NEDD4: variants seen among roughly 807,000 people sequenced by gnomAD.
NEDD4 encodes NEDD4 E3 ubiquitin protein ligase.
In NEDD4, 99 loss-of-function variants were observed where a neutral mutation model predicts 144.9. The ratio of observed to expected loss-of-function variants is 0.68; its 90% confidence interval spans 0.58 to 0.81. NEDD4 has a LOEUF of 0.81. Among genes scored for constraint, NEDD4 ranks in the 30% least tolerant of loss-of-function variants. NEDD4 has a pLI of 0.00. For missense variants in NEDD4, 985 were observed against 1,065.9 expected (o/e 0.92, Z 1.06); for synonymous variants, 318 against 350.6 (o/e 0.91, Z 1.04).
At chr15:55,969,067 C>A (rs2037564951) in intron 1 of NEDD4, among the ~76,000 whole-genome samples, 1 of 152,206 alleles carries the variant, frequency 6.6e-6, no homozygotes. Context: ...GCCCACACCA[C>A]CCCTCCCACA....
At chr15:55,866,982 G>A (rs2034607743) in intron 8 of NEDD4, among the ~76,000 whole-genome samples, 1 of 152,178 alleles carries the variant, frequency 6.6e-6, no homozygotes, top group South Asian at 2.1e-4. Flanking sequence ...TCAAGTCAAA[G>A]AGGGTCAGAA....
intron 18 of NEDD4, among the ~76,000 whole-genome samples, chr15:55,843,678 A>G (rs1340501912): frequency 6.6e-6 from 1 of 152,228 alleles, no homozygotes; most frequent in Non-Finnish European, 1.5e-5. Flanking sequence ...AAAGCCCTAT[A>G]GAAACATAAT....
chr15:55,916,409 T>G, intron 5 of NEDD4: 1 of 1,614,018 alleles, frequency 6.2e-7, no homozygotes, highest in Non-Finnish European at 8.5e-7. Flanking sequence ...CTGGACTGCT[T>G]ACAAGGTGAC....
intron 2 of NEDD4, among the ~76,000 whole-genome samples, chr15:55,966,098 A>C (rs142205609): frequency 1.3e-3 from 195 of 152,186 alleles, no homozygotes; most frequent in Non-Finnish European, 2.1e-3. Context: ...CTTCTTCCAA[A>C]CATGAACTCC....
At chr15:55,946,974 A>G (rs2142290172) in intron 4 of NEDD4, among the ~76,000 whole-genome samples, 1 of 152,330 alleles carries the variant, frequency 6.6e-6, no homozygotes, top group East Asian at 1.9e-4. Context: ...ACAAAGACAC[A>G]ACATACCAGA....
chr15:55,932,443 T>C (rs1267280968), intron 4 of NEDD4, among the ~76,000 whole-genome samples: 2 of 152,216 alleles, frequency 1.3e-5, no homozygotes, highest in East Asian at 3.8e-4. Context: ...TAATAAATGA[T>C]GCTGGGAAAA....
chr15:55,890,217 C>T (rs1410197485), intron 5 of NEDD4, among the ~76,000 whole-genome samples: 1 of 152,176 alleles, frequency 6.6e-6, no homozygotes, highest in Non-Finnish European at 1.5e-5. Flanking sequence ...ATGTAATTCA[C>T]ATACAATTAA....
intron 1 of NEDD4, among the ~76,000 whole-genome samples, chr15:55,982,332 G>T (rs921110007): frequency 1.3e-5 from 2 of 152,024 alleles, no homozygotes; most frequent in Non-Finnish European, 2.9e-5. Context: ...AATGTTCACC[G>T]TAGGTTTATT....
chr15:55,915,208 C>T (rs2142207153), intron 5 of NEDD4: 3 of 1,359,396 alleles, frequency 2.2e-6, no homozygotes, highest in Non-Finnish European at 3.0e-6. Flanking sequence ...TGCTTGGTTA[C>T]AATAAATGTT....
chr15:55,927,843 A>C (rs1250003404), intron 4 of NEDD4, among the ~76,000 whole-genome samples: 1 of 152,148 alleles, frequency 6.6e-6, no homozygotes, highest in Non-Finnish European at 1.5e-5. Flanking sequence ...CCCCAGTTGG[A>C]GTAGGGAGGG....
intron 5 of NEDD4, among the ~76,000 whole-genome samples, chr15:55,877,096 T>C (rs1248065446): frequency 1.3e-5 from 2 of 152,160 alleles, no homozygotes; most frequent in African/African-American, 2.4e-5. Flanking sequence ...ATCCACCAAA[T>C]GTTAACATCT....
chr15:55,933,428 G>T (rs1023153653), intron 4 of NEDD4, among the ~76,000 whole-genome samples: 25 of 150,618 alleles, frequency 1.7e-4, no homozygotes, highest in African/African-American at 6.1e-4. Context: ...CTATCACAGG[G>T]ACAGAAAACC....
chr15:55,863,056 T>A lies in NEDD4; in HGVS notation c.531A>T (p.Gln177His). ...ELEPGWVVLD[Q>H]PDAACHLQQQ... The stretch of plus-strand genomic sequence containing the variant: ...GCTGCAAATGGCAAGCAGCATCTGG[T>A]TGGTCCAAAACAACCCAGCCAGGCT... Residue 177 changes from glutamine to histidine, a missense_variant, in exon 9 of 29, where the codon CAA becomes CAT. Physicochemically the swap from Gln to His is conservative, Grantham distance 24. Transcript: ENST00000435532. 3 of 1,601,740 alleles carry A rather than the reference T, an allele frequency of 1.9e-6. No homozygotes were observed. The highest frequency in any genetic ancestry group is 2.6e-6 in the Non-Finnish European group (3 of 1,171,852).
chr15:55,968,473 C>T (rs2037553759), intron 1 of NEDD4, among the ~76,000 whole-genome samples: 1 of 149,794 alleles, frequency 6.7e-6, no homozygotes, highest in Non-Finnish European at 1.5e-5. Flanking sequence ...GATACTTCTT[C>T]CTGTAGACAT....
intron 5 of NEDD4, chr15:55,905,084 T>G: frequency 3.1e-6 from 1 of 320,100 alleles, no homozygotes; most frequent in Non-Finnish European, 6.0e-6. Flanking sequence ...AAGAGCGAAA[T>G]TCCGTCTCAA....
intron 11 of NEDD4, among the ~76,000 whole-genome samples, chr15:55,858,352 G>A (rs2034276287): frequency 6.6e-6 from 1 of 151,978 alleles, no homozygotes; most frequent in Non-Finnish European, 1.5e-5. Context: ...TGTCACCCAA[G>A]CTGAAGTGCA....
At chr15:55,959,658 A>G (rs977946620) in intron 2 of NEDD4, among the ~76,000 whole-genome samples, 1 of 152,230 alleles carries the variant, frequency 6.6e-6, no homozygotes, top group Non-Finnish European at 1.5e-5. Flanking sequence ...ATTGTAATCC[A>G]TCTTGCTAGG....
chr15:55,870,453 GT>G (rs1174535212), intron 7 of NEDD4, among the ~76,000 whole-genome samples: 1 of 151,004 alleles, frequency 6.6e-6, no homozygotes, highest in African/African-American at 2.4e-5. Flanking sequence ...GCTGCCTGCT[GT>G]AGTAATATTT....
intron 4 of NEDD4, among the ~76,000 whole-genome samples, chr15:55,925,119 T>C (rs1466903751): frequency 6.6e-6 from 1 of 152,144 alleles, no homozygotes; most frequent in African/African-American, 2.4e-5. Context: ...ATTTTCTAAT[T>C]CCGATTATTT....
Sources: gnomAD v4.1 joint callset for allele counts (sites outside exome capture counted in the v4.1 genomes callset) on GRCh38, gnomAD v4.1.1 for gene constraint, MANE v1.5 for transcripts, NCBI Gene and HGNC (gene_info 2026-07-23, HGNC 2026-07-21) for gene names.